ARF1: variants seen among roughly 807,000 people sequenced by gnomAD.
The protein encoded by ARF1 is ADP-ribosylation factor 1.
A neutral mutation model predicts 18.0 loss-of-function variants in ARF1; 1 was observed. The observed-to-expected ratio is 0.06, with a 90% confidence interval of 0.02 to 0.26. ARF1 has a LOEUF of 0.26. ARF1 is among the 10% of genes least tolerant of loss of function. The pLI is 1.00. For synonymous variants in ARF1, 112 were observed against 96.3 expected, an observed-to-expected ratio of 1.16 and a Z score of -0.95; for missense variants, 73 against 247.2, an observed-to-expected ratio of 0.30 and a Z score of 4.73.
chr1:228,092,958 C>T (rs1466218570), intron 1 of ARF1, among the ~76,000 whole-genome samples: 2 of 152,156 alleles, frequency 1.3e-5, no homozygotes, highest in East Asian at 1.9e-4. Context: ...CTGAAGGCCA[C>T]CTTTACCATT....
intron 1 of ARF1, among the ~76,000 whole-genome samples, chr1:228,093,170 A>G (rs1571840504): frequency 6.6e-6 from 1 of 152,186 alleles, no homozygotes; most frequent in East Asian, 1.9e-4. Context: ...GTTTGCTCCT[A>G]CCACAGGATA....
chr1:228,097,550 G>T lies in ARF1; in HGVS notation c.260-41G>T, dbSNP rs767885108. On this transcript the variant is annotated intron_variant, in intron 3 of 4. Coordinates refer to ENST00000272102, the MANE Select transcript of ARF1 (RefSeq NM_001658.4). The surrounding 1 kb of genome is among the most constrained non-coding windows in gnomAD (Gnocchi z 8.1). ...TCGATGCCCATAGATGCGGCAGGGG[G>T]GCTGTGTTCCCATGACCATTTGACA... The T allele has an allele frequency of 2.5e-6, 4 of 1,613,844 alleles. No individual in the cohort carries two copies. Among genetic ancestry groups the T allele is most frequent in the South Asian group, 1.1e-5 (1 of 91,086 alleles).
rs750093483 is a variant in ARF1 at position 228,097,258 on chromosome 1, C to T, written c.144C>T (p.Thr48=). Residue 48 remains threonine, a synonymous_variant, in exon 2 of 5, where the codon ACC becomes ACT. Coordinates refer to ENST00000272102, the MANE Select transcript of ARF1 (RefSeq NM_001658.4). This position sits in a 1 kb window ranked among gnomAD's most constrained non-coding sequence, Gnocchi z 8.1. ...KLGEIVTTIP[T]IGFNVETVEY... ...GTGAGATCGTGACCACCATTCCCAC[C>T]ATAGGTGAGGTGGGGGCCAGCAGGG... 2 of 1,610,528 alleles carry T rather than the reference C, an allele frequency of 1.2e-6. No homozygotes were observed. Among genetic ancestry groups the T allele is most frequent in the East Asian group, 2.2e-5 (1 of 44,828 alleles).
At chr1:228,085,772 C>T (rs755214418) in intron 1 of ARF1, among the ~76,000 whole-genome samples, 1 of 152,252 alleles carries the variant, frequency 6.6e-6, no homozygotes, top group Non-Finnish European at 1.5e-5. Context: ...AGGCCCAGGG[C>T]TCACTGCTGG....
Position 228,097,518 on chromosome 1 carries a change from TG to T in ARF1, c.260-69del, listed in dbSNP as rs1346914762. The T allele has an allele frequency of 6.2e-7, 1 of 1,613,518 alleles. No homozygotes were observed. The highest frequency in any genetic ancestry group is 2.2e-5 in the East Asian group (1 of 44,848). ...TAGAGAGGGGGGGCCAGCCCATAGA[TG>T]GGGCATCGATGCCCATAGATGCGGC... is the stretch of plus-strand genomic sequence containing the variant. On this transcript the variant is annotated intron_variant, in intron 3 of 4. Coordinates refer to ENST00000272102, the MANE Select transcript of ARF1 (RefSeq NM_001658.4). This position sits in a 1 kb window ranked among gnomAD's most constrained non-coding sequence, Gnocchi z 8.1.
chr1:228,097,228 G>A lies in ARF1; in HGVS notation c.114G>A (p.Lys38=), dbSNP rs2032778222. ...AGACCACGATCCTCTACAAGCTTAAGCTGGGTGAGATCGTGACCACCATTC... is the reference window on the plus strand; with the variant it reads ...AGACCACGATCCTCTACAAGCTTAAACTGGGTGAGATCGTGACCACCATTC... The part of the protein sequence containing the change: ...AGKTTILYKL[K]LGEIVTTIPT... Residue 38 remains lysine (K), a synonymous_variant, in exon 2 of 5, where the codon AAG becomes AAA. Transcript: ENST00000272102. The surrounding 1 kb of genome is among the most constrained non-coding windows in gnomAD (Gnocchi z 8.1). 3 of 1,613,552 alleles carry A rather than the reference G, an allele frequency of 1.9e-6. No individual in the cohort carries two copies. The South Asian group carries it at 3.3e-5, about 18-fold the overall frequency.
chr1:228,090,716 G>C (rs2032551765), intron 1 of ARF1: 1 of 152,298 alleles, frequency 6.6e-6, no homozygotes, highest in Non-Finnish European at 1.5e-5. Context: ...AGCATCCATG[G>C]ACAAAGCTGA....
At chr1:228,087,019 T>G (rs1484737824) in intron 1 of ARF1, among the ~76,000 whole-genome samples, 2 of 152,218 alleles carry the variant, frequency 1.3e-5, no homozygotes, top group Non-Finnish European at 2.9e-5. Context: ...ACCTGTGTTA[T>G]AAGAGTGTGT....
chr1:228,082,782 CG>C lies in ARF1; in HGVS notation c.-38+20del, dbSNP rs2032249999. 6.6e-6 allele frequency: 1 copy of C among 152,128 alleles called. No individual in the cohort carries two copies. The highest frequency in any genetic ancestry group is 2.4e-5 in the African/African-American group (1 of 41,394). 9.4% of individuals were successfully genotyped at this position (152,128 alleles called of 1,614,324 possible). A position where few individuals can be genotyped will look rare whatever the true frequency, so the allele number is the denominator to read the frequency against. ...GCCTCTGAGGTGAGGGCGAGGGGCG[CG>C]GGCCGGTGTGGGCCGCAGAGACGTT... is the stretch of plus-strand genomic sequence containing the variant. On this transcript the variant is annotated intron_variant, in intron 1 of 4. Coordinates refer to ENST00000272102, the MANE Select transcript of ARF1 (RefSeq NM_001658.4). The surrounding 1 kb of genome is among the most constrained non-coding windows in gnomAD (Gnocchi z 6.1).
chr1:228,088,774 T>A (rs964899943), intron 1 of ARF1, among the ~76,000 whole-genome samples: 1 of 152,160 alleles, frequency 6.6e-6, no homozygotes, highest in Non-Finnish European at 1.5e-5. Flanking sequence ...GGTTGTGAAG[T>A]CACTTTCCTT....
At chr1:228,095,190 C>T (rs187290486) in intron 1 of ARF1, among the ~76,000 whole-genome samples, 2 of 149,928 alleles carry the variant, frequency 1.3e-5, no homozygotes, top group Admixed American at 1.3e-4. Context: ...TGTCTTCAGT[C>T]TCCTGTCTTG....
chr1:228,094,342 C>T (rs1413324707), intron 1 of ARF1, among the ~76,000 whole-genome samples: 1 of 152,106 alleles, frequency 6.6e-6, no homozygotes, highest in African/African-American at 2.4e-5. Flanking sequence ...CACCACACAC[C>T]CTCGCCTCAG....
rs2032514466 is a variant in ARF1, at chr1:228,089,661, C to T, written c.-38+6896C>T. Among the ~76,000 whole-genome samples the T allele has an allele frequency of 6.6e-6, 1 of 152,162 alleles. No individual in the cohort carries two copies. The highest frequency in any genetic ancestry group is 6.5e-5 in the Admixed American group (1 of 15,280). ...CCTGGTGCGGAGAAGCTACAAGGGC[C>T]CCACCCCCTTCTAGTGGTTGGAGGA... On this transcript the variant is annotated intron_variant, in intron 1 of 4. Transcript: ENST00000272102. The surrounding 1 kb of genome is among the most constrained non-coding windows in gnomAD (Gnocchi z 4.1).
chr1:228,094,653 G>A (rs900694716), intron 1 of ARF1, among the ~76,000 whole-genome samples: 1 of 152,054 alleles, frequency 6.6e-6, no homozygotes, highest in Admixed American at 6.6e-5. Context: ...CTCTCTCCAC[G>A]TTGCTGTGGG....
intron 1 of ARF1, among the ~76,000 whole-genome samples, chr1:228,095,754 A>G (rs2032724705): frequency 6.6e-6 from 1 of 151,998 alleles, no homozygotes; most frequent in Admixed American, 6.6e-5. Context: ...CGTGTGTGTC[A>G]TTTTGGTGTC....
In ARF1 at chr1:228,097,481, C is replaced by G. The variant is rs768860382; in HGVS notation, c.259+29C>G. The G allele has an allele frequency of 6.2e-7, 1 of 1,613,674 alleles. No individual in the cohort carries two copies. Among genetic ancestry groups the G allele is most frequent in the Non-Finnish European group, 8.5e-7 (1 of 1,179,740 alleles). On this transcript the variant is annotated intron_variant, in intron 3 of 4. Transcript: ENST00000272102. The surrounding 1 kb of genome is among the most constrained non-coding windows in gnomAD (Gnocchi z 8.1). ...AGTGGCTGGGGCCTGGTCCCATGGG[C>G]ACTCCTGCTTCTAGAGAGGGGGGGC...
intron 1 of ARF1, among the ~76,000 whole-genome samples, chr1:228,085,953 C>T (rs2032381444): frequency 1.3e-5 from 2 of 152,282 alleles, no homozygotes; most frequent in East Asian, 1.9e-4. Context: ...AATGAGTTGA[C>T]CAGTGATGGG....
At chr1:228,087,202 T>A (rs1449304544) in intron 1 of ARF1, among the ~76,000 whole-genome samples, 2 of 152,232 alleles carry the variant, frequency 1.3e-5, no homozygotes. Flanking sequence ...CATCTTTCCA[T>A]TTGTGTCATA....
At position 228,098,223 on chromosome 1, in the gene ARF1, C is replaced by A; in HGVS notation, c.*210C>A. 1.9e-6 allele frequency: 1 copy of A among 539,562 alleles called. No homozygotes were observed. Among genetic ancestry groups the A allele is most frequent in the Non-Finnish European group, 3.2e-6 (1 of 317,126 alleles). 33.4% of individuals were successfully genotyped at this position (539,562 alleles called of 1,614,324 possible). A position where few individuals can be genotyped will look rare whatever the true frequency, so the allele number is the denominator to read the frequency against. Reference sequence around the variant, plus strand: ...GTTTCCAATGAGGCAGTTTCTGGTACTCCTATGCAATATTACTCAGCTTTT... The same window carrying A: ...GTTTCCAATGAGGCAGTTTCTGGTAATCCTATGCAATATTACTCAGCTTTT... On this transcript the variant is annotated 3_prime_UTR_variant, in exon 5 of 5. Transcript: ENST00000272102.
Sources: gnomAD v4.1 joint callset for allele counts (sites outside exome capture counted in the v4.1 genomes callset) on GRCh38, gnomAD v4.1.1 for gene constraint, Gnocchi (gnomAD v3.1) non-coding constraint, MANE v1.5 for transcripts, NCBI Gene and HGNC (gene_info 2026-07-23, HGNC 2026-07-21) for gene names.